ZNF714: variants seen among roughly 807,000 people sequenced by gnomAD.
ZNF714 encodes the protein zinc finger protein 714.
A neutral mutation model predicts 46.2 loss-of-function variants in ZNF714; 32 were observed. The observed-to-expected ratio is 0.69, with a 90% CI of 0.52 to 0.93. The LOEUF (loss-of-function observed/expected upper bound fraction) is 0.93, where lower values mean the gene tolerates loss of function less well. Among genes scored for constraint, ZNF714 ranks in the 40% least tolerant of loss-of-function variants. ZNF714 has a pLI of 0.00. For missense variants in ZNF714, 635 were observed against 646.3 expected (o/e 0.98, Z 0.19); for synonymous variants, 199 against 213.1 (o/e 0.93, Z 0.58).
chr19:21,092,573 G>A (rs1968935692), intron 2 of ZNF714, among the ~76,000 whole-genome samples: 1 of 152,076 alleles, frequency 6.6e-6, no homozygotes, highest in South Asian at 2.1e-4. Flanking sequence ...CCCACGCATG[G>A]ATTTTTTTTT....
intron 4 of ZNF714, among the ~76,000 whole-genome samples, chr19:21,105,937 A>C (rs563299363): frequency 1.3e-5 from 2 of 151,942 alleles, no homozygotes; most frequent in Non-Finnish European, 2.9e-5. Flanking sequence ...CCTTGGTGAC[A>C]GAATGAGACT....
chr19:21,119,302 T>A lies in ZNF714; in HGVS notation c.*970T>A. ...CTGTAATCCCAGCTACTCAAGAGGC[T>A]GAGGCAGGAGAATCACTTGAACTTG... On this transcript the variant is annotated 3_prime_UTR_variant, in exon 5 of 5. Transcript: ENST00000456283. The A allele has an allele frequency of 3.5e-6, 1 of 287,610 alleles. No individual in the cohort carries two copies. The highest frequency in any genetic ancestry group is 2.6e-5 in the South Asian group (1 of 37,814). 17.8% of individuals were successfully genotyped at this position (287,610 alleles called of 1,614,324 possible). A position where few individuals can be genotyped will look rare whatever the true frequency, so the allele number is the denominator to read the frequency against.
intron 2 of ZNF714, among the ~76,000 whole-genome samples, chr19:21,097,727 A>G (rs1969077308): frequency 6.6e-6 from 1 of 151,940 alleles, no homozygotes; most frequent in Non-Finnish European, 1.5e-5. Context: ...TGGCATTGCT[A>G]GTAACCTTGT....
rs146988138 is a variant in ZNF714 at position 21,122,467 on chromosome 19, G to C, written c.*4135G>C. On this transcript the variant is annotated 3_prime_UTR_variant, in exon 5 of 5. Transcript: ENST00000456283. ...TACTAATAAACTACAAAAATTAGCT[G>C]ATTGTGGTGGCATCCACCTGTAGCC... The C allele has an allele frequency of 9.9e-5, 15 of 152,246 alleles. No individual in the cohort carries two copies. Among genetic ancestry groups the C allele is most frequent in the African/African-American group, 3.6e-4 (15 of 41,544 alleles). The allele number at this position is 152,246 out of a possible 1,614,324, so 9.4% of individuals were successfully genotyped here.
chr19:21,094,514 A>G (rs1427939258), intron 2 of ZNF714, among the ~76,000 whole-genome samples: 1 of 152,130 alleles, frequency 6.6e-6, no homozygotes, highest in African/African-American at 2.4e-5. Context: ...TTTTCTCTGC[A>G]ACCTTACCAG....
At chr19:21,109,175 T>C (rs1969389643) in intron 4 of ZNF714, among the ~76,000 whole-genome samples, 1 of 152,188 alleles carries the variant, frequency 6.6e-6, no homozygotes, top group South Asian at 2.1e-4. Context: ...GCAAATTGTA[T>C]GCTTTTTAAC....
chr19:21,111,919 C>T (rs563369215), intron 4 of ZNF714, among the ~76,000 whole-genome samples: 5 of 152,250 alleles, frequency 3.3e-5, no homozygotes, highest in African/African-American at 1.2e-4. Flanking sequence ...CCTTGCATCC[C>T]AGGAATAAAG....
intron 4 of ZNF714, among the ~76,000 whole-genome samples, chr19:21,116,558 T>C (rs1365714332): frequency 1.3e-5 from 2 of 152,198 alleles, no homozygotes; most frequent in Non-Finnish European, 2.9e-5. Context: ...TTTTCTTCTG[T>C]GTCTTTGCAT....
At chr19:21,091,598 A>G (rs561451549) in intron 2 of ZNF714, 8 of 151,968 alleles carry the variant, frequency 5.3e-5, no homozygotes, top group Admixed American at 5.3e-4. Flanking sequence ...TCCATAAACT[A>G]TTTCTAGAGA....
At chr19:21,099,574 G>A (rs1437352519) in intron 4 of ZNF714, among the ~76,000 whole-genome samples, 3 of 151,946 alleles carry the variant, frequency 2.0e-5, no homozygotes, top group Middle Eastern at 6.8e-3. Flanking sequence ...GGGGTTTCTT[G>A]TTAATTTTTC....
rs954025835 is a variant in ZNF714, at chr19:21,121,954, T to G, written c.*3622T>G. ...TGAAATTTAGTGCACACAAAATAAT[T>G]TTTAGATGTAATTCCAAAAGTAGTG... is the stretch of plus-strand genomic sequence containing the variant. On this transcript the variant is annotated 3_prime_UTR_variant, in exon 5 of 5. Transcript: ENST00000456283. 4 of 152,300 alleles carry G rather than the reference T, an allele frequency of 2.6e-5. No individual in the cohort carries two copies. The highest frequency in any genetic ancestry group is 9.6e-5 in the African/African-American group (4 of 41,572). The allele number at this position is 152,300 out of a possible 1,614,324, so 9.4% of individuals were successfully genotyped here.
chr19:21,115,323 T>C (rs1969567236), intron 4 of ZNF714, among the ~76,000 whole-genome samples: 1 of 151,942 alleles, frequency 6.6e-6, no homozygotes, highest in Non-Finnish European at 1.5e-5. Flanking sequence ...GAAATTCCAT[T>C]TTTGTGTATG....
chr19:21,119,047 C>A lies in ZNF714; in HGVS notation c.*715C>A. ...ATTAATATATGTTCATATCTCAACACCAGATAGTTCATACTTAATAAAAGC... is the reference window on the plus strand; with the variant it reads ...ATTAATATATGTTCATATCTCAACAACAGATAGTTCATACTTAATAAAAGC... On this transcript the variant is annotated 3_prime_UTR_variant, in exon 5 of 5. Transcript: ENST00000456283. 2.4e-6 allele frequency: 1 copy of A among 420,468 alleles called. No individual in the cohort carries two copies. Among genetic ancestry groups the A allele is most frequent in the Non-Finnish European group, 4.7e-6 (1 of 214,670 alleles). The allele number at this position is 420,468 out of a possible 1,614,324, so 26.0% of individuals were successfully genotyped here.
At position 21,124,214 on chromosome 19, in the gene ZNF714, A is replaced by T. The variant is rs1969755991; in HGVS notation, c.*5882A>T. On this transcript the variant is annotated 3_prime_UTR_variant, in exon 5 of 5. Coordinates refer to ENST00000456283, the MANE Select transcript of ZNF714 (RefSeq NM_182515.4). ...AATGACAATAATAGCCCCAAAATAC[A>T]TATTTTTGATACTATTTAGCCAAGA... The T allele has an allele frequency of 6.6e-6, 1 of 152,190 alleles. No homozygotes were observed. Among genetic ancestry groups the T allele is most frequent in the Admixed American group, 6.5e-5 (1 of 15,280 alleles). 9.4% of individuals were successfully genotyped at this position (152,190 alleles called of 1,614,324 possible).
rs1249250934 is a variant in ZNF714, at chr19:21,116,924, A to G, written c.260A>G (p.Lys87Arg). The change falls in exon 5 of 5, where the codon AAA becomes AGA. Residue 87 changes from lysine (K) to arginine (R), a missense_variant. Transcript: ENST00000456283. ...GAACATGAGAATTTACAGTTAAGAA[A>G]AGGCTCCGCAAATGTGGTTGAGTGT... ...KCEHENLQLR[K>R]GSANVVECKV... is the part of the protein sequence containing the mutation. 6.2e-7 allele frequency: 1 copy of G among 1,613,942 alleles called. No homozygotes were observed. Among genetic ancestry groups the G allele is most frequent in the South Asian group, 1.1e-5 (1 of 91,074 alleles).
intron 2 of ZNF714, among the ~76,000 whole-genome samples, chr19:21,084,689 T>C (rs1968733346): frequency 6.6e-6 from 1 of 151,664 alleles, no homozygotes; most frequent in African/African-American, 2.4e-5. Context: ...TAGTAGGGCT[T>C]GAAAGGTAGG....
At position 21,082,261 on chromosome 19, in the gene ZNF714, G is replaced by T. The variant is rs903863177; in HGVS notation, c.-264G>T. 11 of 1,361,494 alleles carry T rather than the reference G, an allele frequency of 8.1e-6. 1 individual carries two copies. In the South Asian group the frequency reaches 1.0e-4, roughly 13 times the overall value. 84.3% of individuals were successfully genotyped at this position (1,361,494 alleles called of 1,614,324 possible). ...CTTCACTGCCCTGTGTCCTCTGCTC[G>T]CAGAGGCCCAGCCTCTGTGGCCCTG... On this transcript the variant is annotated 5_prime_UTR_variant, in exon 1 of 5. Transcript: ENST00000456283.
intron 4 of ZNF714, among the ~76,000 whole-genome samples, chr19:21,115,381 T>G (rs1408312920): frequency 6.6e-6 from 1 of 151,992 alleles, no homozygotes; most frequent in Non-Finnish European, 1.5e-5. Flanking sequence ...AAATTATTAT[T>G]TATAAAATTA....
intron 1 of ZNF714, 133 bp downstream of exon 1, chr19:21,082,481 C>G (rs1479156362): frequency 2.2e-6 from 2 of 924,002 alleles, no homozygotes; most frequent in Admixed American, 4.4e-5. Flanking sequence ...CCTTGCTCAG[C>G]TCGGCCTCAG....
Sources: gnomAD v4.1 joint callset for allele counts (sites outside exome capture counted in the v4.1 genomes callset) on GRCh38, gnomAD v4.1.1 for gene constraint, MANE v1.5 for transcripts, NCBI Gene and HGNC (gene_info 2026-07-23, HGNC 2026-07-21) for gene names.